CNNM2: variants seen among roughly 807,000 people sequenced by gnomAD.
The protein encoded by CNNM2 is cyclin and CBS domain divalent metal cation transport mediator 2.
Under a neutral mutation model 66.9 loss-of-function variants are expected in CNNM2, and 12 were observed. The observed-to-expected ratio is 0.18, with a 90% CI of 0.11 to 0.29. The LOEUF is 0.29. Among genes scored for constraint, CNNM2 ranks in the 10% least tolerant of loss-of-function variants. The probability of loss-of-function intolerance (pLI) is 1.00; values close to 1 mark genes in which losing one functional copy is unlikely to be tolerated. For synonymous variants in CNNM2, 557 were observed against 501.8 expected (o/e 1.11, Z -1.47); for missense variants, 705 against 1,167.7 (o/e 0.60, Z 5.77).
At chr10:102,932,777 C>T (rs569944999) in intron 1 of CNNM2, among the ~76,000 whole-genome samples, 4 of 151,286 alleles carry the variant, frequency 2.6e-5, no homozygotes, top group East Asian at 1.9e-4. Flanking sequence ...AATTAGCCAG[C>T]GTGGTGGTGC....
chr10:102,964,529 A>G (rs940164304), intron 1 of CNNM2, among the ~76,000 whole-genome samples: 5 of 152,110 alleles, frequency 3.3e-5, no homozygotes, highest in Middle Eastern at 3.2e-3. Flanking sequence ...GCGCCTGGCT[A>G]GATATTCTTA....
chr10:103,055,796 C>G (rs1395309472), intron 3 of CNNM2, among the ~76,000 whole-genome samples: 1 of 151,950 alleles, frequency 6.6e-6, no homozygotes. Context: ...ATTTAAGTAC[C>G]ACAAATTAAA....
intron 1 of CNNM2, among the ~76,000 whole-genome samples, chr10:102,962,258 A>G (rs2063394199): frequency 6.6e-6 from 1 of 152,156 alleles, no homozygotes; most frequent in African/African-American, 2.4e-5. Context: ...TGTGCAGCAA[A>G]CCACCATGGC....
chr10:102,952,221 G>C (rs1453331698), intron 1 of CNNM2, among the ~76,000 whole-genome samples: 1 of 152,072 alleles, frequency 6.6e-6, no homozygotes, highest in African/African-American at 2.4e-5. Context: ...GATTATAGGC[G>C]TGAGCCACCA....
At chr10:103,042,239 G>A (rs1217949831) in intron 1 of CNNM2, among the ~76,000 whole-genome samples, 1 of 152,174 alleles carries the variant, frequency 6.6e-6, no homozygotes, top group Non-Finnish European at 1.5e-5. Context: ...TATCCAGAAT[G>A]CAGGTACTTC....
At chr10:102,998,585 G>A (rs1405257562) in intron 1 of CNNM2, among the ~76,000 whole-genome samples, 1 of 152,066 alleles carries the variant, frequency 6.6e-6, no homozygotes, top group Admixed American at 6.6e-5. Context: ...GCCCTTCGAA[G>A]GGATAAGGTA....
intron 1 of CNNM2, among the ~76,000 whole-genome samples, chr10:103,014,476 A>G (rs2064403692): frequency 6.6e-6 from 1 of 152,006 alleles, no homozygotes; most frequent in Non-Finnish European, 1.5e-5. Context: ...AACTTGCCTA[A>G]GGTCAAGCGG....
intron 1 of CNNM2, among the ~76,000 whole-genome samples, chr10:103,017,313 G>GT (rs1463158344): frequency 1.2e-4 from 18 of 152,188 alleles, no homozygotes; most frequent in Non-Finnish European, 2.6e-4. Context: ...TGTCTACTAT[G>GT]TGGCAGACAG....
chr10:102,937,623 A>C (rs1285986026), intron 1 of CNNM2, among the ~76,000 whole-genome samples: 1 of 152,210 alleles, frequency 6.6e-6, no homozygotes, highest in African/African-American at 2.4e-5. Flanking sequence ...TTAAGCCTAC[A>C]AAATGTATAT....
Position 103,076,089 on chromosome 10 carries a change from A to G in CNNM2, c.2237A>G (p.Glu746Gly). 2 of 1,606,964 alleles carry G rather than the reference A, an allele frequency of 1.2e-6. No homozygotes were observed. Among genetic ancestry groups the G allele is most frequent in the Non-Finnish European group, 1.7e-6 (2 of 1,174,944 alleles). ...GGATTTTTCCCTCCTTTTCCAGGTG[A>G]AAATAAGTCCCCTCCTCGCCCATGT... ...TELLAAGSPG[E>G]NKSPPRPCGL... Residue 746 changes from glutamate (E) to glycine (G), a missense_variant, in exon 7 of 8, where the codon GAA (glutamate) becomes GGA (glycine). Coordinates refer to ENST00000369878, the MANE Select transcript of CNNM2 (RefSeq NM_017649.5).
intron 1 of CNNM2, among the ~76,000 whole-genome samples, chr10:102,920,529 C>T (rs909734421): frequency 6.6e-5 from 10 of 152,138 alleles, no homozygotes; most frequent in African/African-American, 2.4e-4. Context: ...AAACATGTAA[C>T]TAGCTTTTGT....
chr10:103,036,454 G>C (rs1204156682), intron 1 of CNNM2, among the ~76,000 whole-genome samples: 1 of 152,122 alleles, frequency 6.6e-6, no homozygotes, highest in Non-Finnish European at 1.5e-5. Context: ...CTTCACAACA[G>C]CACCTAGATT....
At chr10:103,021,708 G>C (rs1191770019) in intron 1 of CNNM2, among the ~76,000 whole-genome samples, 1 of 151,992 alleles carries the variant, frequency 6.6e-6, no homozygotes, top group Non-Finnish European at 1.5e-5. Flanking sequence ...TTAATCATCC[G>C]GGTTAAAGGG....
At chr10:103,047,513 A>C (rs1590456726) in intron 1 of CNNM2, among the ~76,000 whole-genome samples, 2 of 152,378 alleles carry the variant, frequency 1.3e-5, no homozygotes. Context: ...CTTAATAGTA[A>C]TGTACCAATG....
intron 1 of CNNM2, among the ~76,000 whole-genome samples, chr10:102,927,852 C>G (rs552073276): frequency 6.6e-6 from 1 of 152,256 alleles, no homozygotes; most frequent in South Asian, 2.1e-4. Context: ...CAAACCCTCT[C>G]CCTGTGTTAC....
chr10:102,919,745 A>G lies in CNNM2; in HGVS notation c.1265A>G (p.Asp422Gly). 1 of 1,614,202 alleles carries G rather than the reference A, an allele frequency of 6.2e-7. No individual in the cohort carries two copies. The highest frequency in any genetic ancestry group is 8.5e-7 in the Non-Finnish European group (1 of 1,180,040). ...EKLLEMLRVT[D>G]PYNDLVKEEL... ...CTGCTGGAGATGCTCCGGGTCACCG[A>G]TCCCTACAACGACCTCGTTAAGGAG... Residue 422 changes from aspartate to glycine, a missense_variant, in exon 1 of 8, where the codon GAT becomes GGT. Coordinates refer to ENST00000369878, the MANE Select transcript of CNNM2 (RefSeq NM_017649.5).
intron 1 of CNNM2, among the ~76,000 whole-genome samples, chr10:102,970,687 G>C (rs1385714134): frequency 6.6e-6 from 1 of 152,154 alleles, no homozygotes; most frequent in Non-Finnish European, 1.5e-5. Flanking sequence ...GTACTGATCA[G>C]CATGGGAATT....
chr10:103,077,088 T>TTG lies in CNNM2; in HGVS notation c.2537_2538dup (p.Pro847CysfsTer15). 6.2e-7 allele frequency: 1 copy of TTG among 1,613,820 alleles called. No individual in the cohort carries two copies. Among genetic ancestry groups the TTG allele is most frequent in the Non-Finnish European group, 8.5e-7 (1 of 1,179,862 alleles). ...GACTCTTACGGAGCTGCATGACGGG[T>TTG]TGCCAGACGAGACAGCCAACCTGCT... On this transcript the variant is annotated frameshift_variant, in exon 8 of 8. Transcript: ENST00000369878. LOFTEE classifies it high-confidence loss of function.
intron 1 of CNNM2, among the ~76,000 whole-genome samples, chr10:102,921,659 AT>A (rs1845643598): frequency 2.0e-5 from 3 of 152,146 alleles, no homozygotes; most frequent in Admixed American, 6.5e-5. Context: ...AACTTCTTTC[AT>A]TTTGCAGTAA....
Sources: allele counts gnomAD v4.1 joint callset (sites outside exome capture counted in the v4.1 genomes callset), GRCh38; gene constraint gnomAD v4.1.1; transcripts MANE v1.5; gene names NCBI Gene and HGNC (gene_info 2026-07-23, HGNC 2026-07-21).